GLI3: variants seen among roughly 807,000 people sequenced by gnomAD.
GLI3 encodes transcription activator GLI3.
A neutral mutation model predicts 100.8 loss-of-function variants in GLI3; 20 were observed. That is an observed-to-expected ratio of 0.20 (90% confidence interval 0.14 to 0.29). The LOEUF (loss-of-function observed/expected upper bound fraction) is 0.29, where lower values mean the gene tolerates loss of function less well. Ranked by LOEUF, GLI3 falls within the 10% of genes least tolerant of loss-of-function variation. The pLI, the probability that GLI3 is intolerant of heterozygous loss-of-function variation, is 1.00. For missense variants in GLI3, 2,040 were observed against 2,128.5 expected (o/e 0.96, Z 0.82); for synonymous variants, 938 against 860.5 (o/e 1.09, Z -1.58).
rs905959562 is a variant in GLI3, at chr7:41,978,763, A to G, written c.1498-15T>C. ...TTATTTATATGCTGGGGTTTGGAAA[A>G]AGAGAGAGAAATCAAATGGAAACGT... On this transcript the variant is annotated splice_polypyrimidine_tract_variant and intron_variant, in intron 10 of 14. Coordinates refer to ENST00000395925, the MANE Select transcript of GLI3 (RefSeq NM_000168.6). The G allele has an allele frequency of 2.5e-6, 4 of 1,612,034 alleles. No individual in the cohort carries two copies. The African/African-American group carries it at 5.3e-5, about 22-fold the overall frequency.
At chr7:42,212,608 T>G (rs898425495) in intron 2 of GLI3, among the ~76,000 whole-genome samples, 1 of 152,232 alleles carries the variant, frequency 6.6e-6, no homozygotes, top group Non-Finnish European at 1.5e-5. Flanking sequence ...TTTCTAATTT[T>G]GCGGATTGAG....
intron 2 of GLI3, among the ~76,000 whole-genome samples, chr7:42,167,434 G>T (rs1239450018): frequency 3.3e-5 from 5 of 152,068 alleles, no homozygotes; most frequent in African/African-American, 4.8e-5. Context: ...AGTTTACAGA[G>T]ATACCCATAA....
At chr7:42,215,142 G>C (rs1056909579) in intron 2 of GLI3, among the ~76,000 whole-genome samples, 2 of 152,006 alleles carry the variant, frequency 1.3e-5, no homozygotes, top group Non-Finnish European at 2.9e-5. Flanking sequence ...TTACTGAGCT[G>C]AGTTTAAAGC....
At chr7:42,250,355 T>C (rs954649346) in intron 1 of GLI3, among the ~76,000 whole-genome samples, 11 of 152,270 alleles carry the variant, frequency 7.2e-5, no homozygotes, top group African/African-American at 2.4e-4. Context: ...GCAACAGATA[T>C]GAGGACTTGG....
intron 2 of GLI3, among the ~76,000 whole-genome samples, chr7:42,169,753 A>G (rs11984291): frequency 1.4e-5 from 2 of 146,254 alleles, no homozygotes; most frequent in South Asian, 2.2e-4. Flanking sequence ...GCACAAAAAA[A>G]AGAAGAGAAG....
intron 2 of GLI3, among the ~76,000 whole-genome samples, chr7:42,185,352 T>TGAAA (rs1787697918): frequency 6.6e-6 from 1 of 152,236 alleles, no homozygotes; most frequent in Admixed American, 6.5e-5. Context: ...CCAGGCTGCT[T>TGAAA]TCTTATTCCC....
intron 3 of GLI3, among the ~76,000 whole-genome samples, chr7:42,117,271 G>A (rs550033875): frequency 6.6e-6 from 1 of 152,288 alleles, no homozygotes; most frequent in Non-Finnish European, 1.5e-5. Context: ...AAAAAGGCCA[G>A]GGCTCTGGAT....
intron 4 of GLI3, among the ~76,000 whole-genome samples, chr7:42,057,229 A>G (rs904003574): frequency 1.3e-5 from 2 of 152,216 alleles, no homozygotes; most frequent in African/African-American, 4.8e-5. Context: ...TTTTTCTATT[A>G]TCTTTTAACT....
rs550491626 is a variant in GLI3 at position 42,139,308 on chromosome 7, G to A, written c.367+8918C>T. On this transcript the variant is annotated intron_variant, in intron 3 of 14. Coordinates refer to ENST00000395925, the MANE Select transcript of GLI3 (RefSeq NM_000168.6). ...TGTACTTTGTGATCAAGATATTGTG[G>A]TGATTGGGGTTACCTATTACAGAGC... Among the ~76,000 whole-genome samples, 22 of 152,238 alleles carry A rather than the reference G, an allele frequency of 1.4e-4. No individual in the cohort carries two copies. The South Asian group carries it at 4.1e-3, about 29-fold the overall frequency.
chr7:42,040,460 T>A (rs1271902480), intron 6 of GLI3, among the ~76,000 whole-genome samples: 1 of 152,214 alleles, frequency 6.6e-6, no homozygotes, highest in Non-Finnish European at 1.5e-5. Flanking sequence ...TGTTTATTAA[T>A]GTGCAGGGAA....
intron 10 of GLI3, among the ~76,000 whole-genome samples, chr7:42,010,755 A>T (rs1029849853): frequency 6.6e-6 from 1 of 152,250 alleles, no homozygotes; most frequent in Non-Finnish European, 1.5e-5. Flanking sequence ...CCAAGCAGCC[A>T]TTAAAACAAT....
chr7:42,180,776 A>T (rs1352832890), intron 2 of GLI3, among the ~76,000 whole-genome samples: 1 of 152,230 alleles, frequency 6.6e-6, no homozygotes, highest in African/African-American at 2.4e-5. Context: ...TGACATCCAA[A>T]AAAGTCTTTG....
intron 3 of GLI3, among the ~76,000 whole-genome samples, chr7:42,142,706 G>A (rs999301845): frequency 5.9e-5 from 9 of 151,632 alleles, no homozygotes; most frequent in Non-Finnish European, 1.0e-4. Context: ...AAGTTGTCTT[G>A]CAATGCAGCT....
chr7:42,116,605 T>C (rs1056986591), intron 3 of GLI3, among the ~76,000 whole-genome samples: 1 of 152,050 alleles, frequency 6.6e-6, no homozygotes, highest in Non-Finnish European at 1.5e-5. Flanking sequence ...AACTTAAAAA[T>C]TGCCAGACAG....
intron 4 of GLI3, among the ~76,000 whole-genome samples, chr7:42,066,337 TC>T (rs1304038816): frequency 6.6e-6 from 1 of 151,994 alleles, no homozygotes; most frequent in Non-Finnish European, 1.5e-5. Flanking sequence ...TTTCACTCCT[TC>T]CAATTCAACT....
chr7:42,257,132 C>T (rs895936083), intron 1 of GLI3, among the ~76,000 whole-genome samples: 12 of 151,938 alleles, frequency 7.9e-5, no homozygotes, highest in African/African-American at 2.9e-4. Context: ...GTATCTTGAA[C>T]CTTGCTAAAA....
chr7:42,083,911 G>A (rs1322697624), intron 3 of GLI3, among the ~76,000 whole-genome samples: 1 of 152,128 alleles, frequency 6.6e-6, no homozygotes, highest in East Asian at 1.9e-4. Context: ...AATAGCAGTA[G>A]CTAAGCATTT....
At chr7:42,131,016 A>G (rs1233519574) in intron 3 of GLI3, among the ~76,000 whole-genome samples, 2 of 152,216 alleles carry the variant, frequency 1.3e-5, no homozygotes, top group Non-Finnish European at 1.5e-5. Context: ...TTAGAATTCT[A>G]ACTACACCAT....
chr7:42,194,615 G>A (rs934099974), intron 2 of GLI3, among the ~76,000 whole-genome samples: 25 of 152,066 alleles, frequency 1.6e-4, no homozygotes, highest in Non-Finnish European at 2.8e-4. Context: ...CTGTCTTAGC[G>A]AACGGCATTC....
Sources: gnomAD v4.1 joint callset for allele counts (sites outside exome capture counted in the v4.1 genomes callset) on GRCh38, gnomAD v4.1.1 for gene constraint, MANE v1.5 for transcripts, NCBI Gene and HGNC (gene_info 2026-07-23, HGNC 2026-07-21) for gene names.